Variants in KDM2B observed in about 807,000 individuals in gnomAD.
KDM2B encodes lysine demethylase 2B.
KDM2B carries 26 observed loss-of-function variants against 150.0 expected under a neutral mutation model. The observed-to-expected ratio is 0.17, with a 90% CI of 0.13 to 0.24. The LOEUF (loss-of-function observed/expected upper bound fraction) is 0.24, where lower values mean the gene tolerates loss of function less well. KDM2B is among the 10% of genes least tolerant of loss of function. The pLI, the probability that KDM2B is intolerant of heterozygous loss-of-function variation, is 1.00. For missense variants in KDM2B, 1,265 were observed against 1,816.9 expected, an observed-to-expected ratio of 0.70 and a Z score of 5.52; for synonymous variants, 734 against 729.5, an observed-to-expected ratio of 1.01 and a Z score of -0.10.
At chr12:121,484,032 G>A (rs1555298365) in intron 12 of KDM2B, among the ~76,000 whole-genome samples, 4 of 152,262 alleles carry the variant, frequency 2.6e-5, no homozygotes, top group African/African-American at 7.2e-5. Context: ...ACACAATAGA[G>A]ATGTGGTCTG....
intron 11 of KDM2B, among the ~76,000 whole-genome samples, chr12:121,497,034 AT>A (rs1282887933): frequency 1.4e-5 from 2 of 146,042 alleles, no homozygotes; most frequent in African/African-American, 5.1e-5. Context: ...TTTTTGAGTG[AT>A]TTTTCAAGAT....
chr12:121,487,392 G>T (rs1882880692), intron 12 of KDM2B, among the ~76,000 whole-genome samples: 1 of 152,160 alleles, frequency 6.6e-6, no homozygotes. Flanking sequence ...ACACGTTTGG[G>T]ATTCCAGATC....
At chr12:121,496,144 A>G (rs1206995241) in intron 11 of KDM2B, among the ~76,000 whole-genome samples, 2 of 152,108 alleles carry the variant, frequency 1.3e-5, no homozygotes, top group African/African-American at 4.8e-5. Context: ...CTATGAAGAC[A>G]GACCCCCAGA....
chr12:121,513,417 G>C lies in KDM2B; in HGVS notation c.1048-15C>G, dbSNP rs782667942. ...TTGGGCTGCACCTGAAAGCAAAGAC[G>C]CAGGCAGGCAGAGGTCAGTTTCCAG... On this transcript the variant is annotated splice_polypyrimidine_tract_variant and intron_variant, in intron 9 of 22. Coordinates refer to ENST00000377071, the MANE Select transcript of KDM2B (RefSeq NM_032590.5). This position sits in a 1 kb window ranked among gnomAD's most constrained non-coding sequence, Gnocchi z 5.0. 1 of 1,608,244 alleles carries C rather than the reference G, an allele frequency of 6.2e-7. No individual in the cohort carries two copies. The highest frequency in any genetic ancestry group is 8.5e-7 in the Non-Finnish European group (1 of 1,175,438).
chr12:121,442,552 G>C lies in KDM2B; in HGVS notation c.2889C>G (p.Asn963Lys). ...GCTGCTGGTTCTCGTTGGCCAGGCTGTTCTCCGTCCTCTGGATCTCGTGGT... is the reference window on the plus strand; with the variant it reads ...GCTGCTGGTTCTCGTTGGCCAGGCTCTTCTCCGTCCTCTGGATCTCGTGGT... Reference protein sequence around the residue: ...ELNHEIQRTENSLANENQQPI... With the variant: ...ELNHEIQRTEKSLANENQQPI... Residue 963 changes from asparagine (N) to lysine (K), a missense_variant, in exon 19 of 23, where the codon AAC (asparagine) becomes AAG (lysine). Physicochemically the swap from Asn to Lys is moderately conservative, Grantham distance 94. Around this residue, in one of 11 missense-constraint regions of KDM2B, gnomAD observed 418 missense variants for 402.4 expected, o/e 1.04. Transcript: ENST00000377071. This position sits in a 1 kb window ranked among gnomAD's most constrained non-coding sequence, Gnocchi z 7.7. The C allele has an allele frequency of 6.2e-7, 1 of 1,600,178 alleles. No homozygotes were observed. Among genetic ancestry groups the C allele is most frequent in the Non-Finnish European group, 8.5e-7 (1 of 1,179,886 alleles).
intron 9 of KDM2B, among the ~76,000 whole-genome samples, chr12:121,519,596 G>A (rs80246214): frequency 0.027 from 4,050 of 152,230 alleles, 168 homozygotes; most frequent in African/African-American, 0.093. Flanking sequence ...CACAGAGATA[G>A]AAAATAGATT....
intron 13 of KDM2B, among the ~76,000 whole-genome samples, chr12:121,448,831 G>A (rs141763589): frequency 3.9e-4 from 59 of 152,344 alleles, no homozygotes; most frequent in Non-Finnish European, 6.6e-4. Flanking sequence ...CTCCCCATGA[G>A]CTATTTGGGA....
At chr12:121,415,840 C>CTCT in the KDM2B span, among the ~76,000 whole-genome samples, 1 of 108,096 alleles carries the variant, frequency 9.3e-6, no homozygotes, top group African/African-American at 3.6e-5. Flanking sequence ...TTTGTCCAGT[C>CTCT]TTTTTTTTTT....
intron 1 of KDM2B, chr12:121,579,787 C>G: frequency 1.5e-6 from 2 of 1,325,128 alleles, no homozygotes; most frequent in Non-Finnish European, 2.1e-6. Flanking sequence ...CGCCTTTCCC[C>G]GATACCACCT....
In KDM2B at chr12:121,467,461, C is replaced by T. The variant is rs1268908186; in HGVS notation, c.1735-14117G>A. 10 of 606,254 alleles carry T rather than the reference C, an allele frequency of 1.6e-5. No homozygotes were observed. The highest frequency in any genetic ancestry group is 2.0e-5 in the African/African-American group (1 of 49,446). The allele number at this position is 606,254 out of a possible 1,614,324, so 37.6% of individuals were successfully genotyped here. A position where few individuals can be genotyped will look rare whatever the true frequency, so the allele number is the denominator to read the frequency against. The stretch of plus-strand genomic sequence containing the variant: ...GCGAGCCAGGAAGGGGCTGGCCCCC[C>T]GGGCGGGCGGGCCAATGGCGCGGCC... On this transcript the variant is annotated intron_variant, in intron 12 of 22. Transcript: ENST00000377071. This position sits in a 1 kb window ranked among gnomAD's most constrained non-coding sequence, Gnocchi z 5.1.
At chr12:121,423,307 G>C in the KDM2B span, 10 of 1,169,080 alleles carry the variant, frequency 8.6e-6, no homozygotes, top group African/African-American at 1.5e-4. This position sits in a 1 kb window ranked among gnomAD's most constrained non-coding sequence, Gnocchi z 4.3. Flanking sequence ...GCAGGTGGCT[G>C]CTCAGCTTCG....
At position 121,513,896 on chromosome 12, in the gene KDM2B, C is replaced by G. The variant is rs1049142638; in HGVS notation, c.1048-494G>C. ...TGCAGACAGGTTATGGAGCCTCCTC[C>G]TGTTTGTTGGGAGGGAGGCCAGGCC... On this transcript the variant is annotated intron_variant, in intron 9 of 22. Coordinates refer to ENST00000377071, the MANE Select transcript of KDM2B (RefSeq NM_032590.5). This position sits in a 1 kb window ranked among gnomAD's most constrained non-coding sequence, Gnocchi z 5.0. Among the ~76,000 whole-genome samples, 2 of 152,110 alleles carry G rather than the reference C, an allele frequency of 1.3e-5. No individual in the cohort carries two copies. The highest frequency in any genetic ancestry group is 2.4e-5 in the African/African-American group (1 of 41,414).
chr12:121,426,013 C>T (rs1454301811), downstream of KDM2B, among the ~76,000 whole-genome samples: 5 of 152,062 alleles, frequency 3.3e-5, no homozygotes, highest in African/African-American at 9.7e-5. Flanking sequence ...ATGATCCACC[C>T]GCCTCTTCCT....
chr12:121,558,730 C>T (rs1165924313), intron 4 of KDM2B, among the ~76,000 whole-genome samples: 3 of 152,092 alleles, frequency 2.0e-5, no homozygotes. Context: ...GCTGGGATTA[C>T]AGGCGTGAGA....
chr12:121,563,537 G>A (rs1555314228), intron 4 of KDM2B, among the ~76,000 whole-genome samples: 1 of 152,008 alleles, frequency 6.6e-6, no homozygotes, highest in African/African-American at 2.4e-5. Context: ...AACTCAGGAG[G>A]TGGAGGTTAC....
At chr12:121,541,493 G>C (rs1467622182) in intron 6 of KDM2B, among the ~76,000 whole-genome samples, 1 of 150,580 alleles carries the variant, frequency 6.6e-6, no homozygotes, top group Non-Finnish European at 1.5e-5. Context: ...GAATCCTATA[G>C]ATAAAAGAGA....
chr12:121,450,253 G>GCC, intron 13 of KDM2B, among the ~76,000 whole-genome samples: 1 of 151,564 alleles, frequency 6.6e-6, no homozygotes, highest in Non-Finnish European at 1.5e-5. Flanking sequence ...GGCAGAAGTT[G>GCC]CAGTGAGCCG....
At chr12:121,582,060 G>T (rs1208977309), upstream of KDM2B, among the ~76,000 whole-genome samples, 1 of 152,206 alleles carries the variant, frequency 6.6e-6, no homozygotes, top group Non-Finnish European at 1.5e-5. Context: ...TGGCTGCTGC[G>T]TGCAATCAGT....
At position 121,537,420 on chromosome 12, in the gene KDM2B, G is replaced by A. The variant is rs1327458246; in HGVS notation, c.684-2830C>T. On this transcript the variant is annotated intron_variant, in intron 6 of 22. Coordinates refer to ENST00000377071, the MANE Select transcript of KDM2B (RefSeq NM_032590.5). This position sits in a 1 kb window ranked among gnomAD's most constrained non-coding sequence, Gnocchi z 8.7. ...AGCCGGCTAGCCCGGCTTCCGCCTG[G>A]GCCTCGGCCGCCCCCGGCCGCCCCC... The A allele has an allele frequency of 3.3e-5, 5 of 152,398 alleles. No individual in the cohort carries two copies. The highest frequency in any genetic ancestry group is 1.2e-4 in the African/African-American group (5 of 41,440). 9.4% of individuals were successfully genotyped at this position (152,398 alleles called of 1,614,324 possible). A position where few individuals can be genotyped will look rare whatever the true frequency, so the allele number is the denominator to read the frequency against.
Sources: allele counts gnomAD v4.1 joint callset (sites outside exome capture counted in the v4.1 genomes callset), GRCh38; gene constraint gnomAD v4.1.1; regional missense constraint gnomAD v4.1.1; non-coding constraint Gnocchi (gnomAD v3.1); transcripts MANE v1.5; gene names NCBI Gene and HGNC (gene_info 2026-07-23, HGNC 2026-07-21).